NCOR2: variants seen among roughly 807,000 people sequenced by gnomAD.
The protein encoded by NCOR2 is CTG repeat protein 26.
NCOR2 carries 81 observed loss-of-function variants against 262.9 expected under a neutral mutation model. That is an observed-to-expected ratio of 0.31 (90% CI 0.26 to 0.37). NCOR2 has a LOEUF of 0.37. Among genes scored for constraint, NCOR2 ranks in the 10% least tolerant of loss-of-function variants. NCOR2 has a pLI of 1.00. For synonymous variants in NCOR2, 1,659 were observed against 1,559.3 expected, an observed-to-expected ratio of 1.06 and a Z score of -1.51; for missense variants, 3,385 against 3,621.4, an observed-to-expected ratio of 0.93 and a Z score of 1.68.
Position 124,362,200 on chromosome 12 carries a change from C to T in NCOR2, c.3026G>A (p.Ser1009Asn), listed in dbSNP as rs367670978. ...GCTGCCAGGCTGCTGAGGGGCGTCG[C>T]TCTCCGGCTGCAGGTTTTGCGGTGG... Residue 1009 changes from serine (S) to asparagine (N), a missense_variant, in exon 22 of 47, where the codon AGC (serine) becomes AAC (asparagine). Ser to Asn is a conservative substitution (Grantham distance 46). Coordinates refer to ENST00000405201, the Ensembl canonical transcript of NCOR2. 1.3e-5 allele frequency: 17 copies of T among 1,311,548 alleles called. No individual in the cohort carries two copies. The highest frequency in any genetic ancestry group is 2.9e-6 in the Non-Finnish European group (3 of 1,030,058). 81.2% of individuals were successfully genotyped at this position (1,311,548 alleles called of 1,614,324 possible). A position where few individuals can be genotyped will look rare whatever the true frequency, so the allele number is the denominator to read the frequency against.
At chr12:124,346,714 G>A (rs1395420695) in exon 31 of NCOR2, 35 of 1,565,992 alleles carry the variant, frequency 2.2e-5, no homozygotes, top group Non-Finnish European at 2.9e-5. Flanking sequence ...GCTTCAGGGG[G>A]CCCAGGGCCT....
Position 124,566,462 on chromosome 12 carries a change from T to G in NCOR2, c.-165+846A>C, listed in dbSNP as rs995269870. Among the ~76,000 whole-genome samples, 1 of 152,170 alleles carries G rather than the reference T, an allele frequency of 6.6e-6. No homozygotes were observed. The highest frequency in any genetic ancestry group is 2.4e-5 in the African/African-American group (1 of 41,440). On this transcript the variant is annotated intron_variant, in intron 1 of 32. Coordinates refer to the NCOR2 transcript ENST00000458234. The surrounding 1 kb of genome is among the most constrained non-coding windows in gnomAD (Gnocchi z 4.3). ...CCGCCGTGCCCTCCCGCCCTCGGCTTGCTCCTCCTGCAAGTGTCTGGGGCG... is the reference window on the plus strand; with the variant it reads ...CCGCCGTGCCCTCCCGCCCTCGGCTGGCTCCTCCTGCAAGTGTCTGGGGCG...
intron 44 of NCOR2, 88 bp downstream of exon 46, chr12:124,330,757 T>G: frequency 7.1e-7 from 1 of 1,418,424 alleles, no homozygotes; most frequent in Non-Finnish European, 9.7e-7. Context: ...TAGCGAAGGC[T>G]CCTCGTCCCT....
At chr12:124,485,528 A>G (rs1193473128) in intron 2 of NCOR2, among the ~76,000 whole-genome samples, 2 of 152,206 alleles carry the variant, frequency 1.3e-5, no homozygotes, top group Non-Finnish European at 2.9e-5. Flanking sequence ...ACGGGAATGC[A>G]CTTCTGTGGC....
chr12:124,470,147 CAG>C (rs1454513027), intron 4 of NCOR2, among the ~76,000 whole-genome samples: 1 of 136,512 alleles, frequency 7.3e-6, no homozygotes, highest in Non-Finnish European at 1.5e-5. Flanking sequence ...GCCTGGGCAA[CAG>C]AGTGAGAATC....
At chr12:124,555,984 C>T (rs947488315) in intron 1 of NCOR2, 3 of 152,306 alleles carry the variant, frequency 2.0e-5, no homozygotes, top group African/African-American at 4.8e-5. Flanking sequence ...CCTCCCATAA[C>T]GCTCAAGACA....
At chr12:124,437,429 C>T (rs2044409885) in intron 8 of NCOR2, among the ~76,000 whole-genome samples, 1 of 152,208 alleles carries the variant, frequency 6.6e-6, no homozygotes. Context: ...TTGGATGAGG[C>T]CACTGGCCAC....
At chr12:124,407,833 C>T (rs751960420) in intron 13 of NCOR2, among the ~76,000 whole-genome samples, 4 of 152,256 alleles carry the variant, frequency 2.6e-5, no homozygotes, top group Non-Finnish European at 5.9e-5. Flanking sequence ...ATCCTCATGA[C>T]ACCTTCCACC....
chr12:124,555,367 T>C (rs1462994897), intron 1 of NCOR2, among the ~76,000 whole-genome samples: 1 of 152,092 alleles, frequency 6.6e-6, no homozygotes, highest in Non-Finnish European at 1.5e-5. Flanking sequence ...CTCCAGTGTG[T>C]GCACAGCTCA....
intron 37 of NCOR2, among the ~76,000 whole-genome samples, chr12:124,337,508 T>A (rs1777372374): frequency 1.3e-5 from 2 of 152,184 alleles, no homozygotes. Context: ...TACGATCACA[T>A]TAACAGATAT....
intron 9 of NCOR2, 101 bp from the exon 12 acceptor site, chr12:124,429,807 G>C: frequency 1.7e-6 from 2 of 1,165,898 alleles, no homozygotes; most frequent in East Asian, 5.2e-5. Flanking sequence ...CCCCAGAGGA[G>C]AAGTGTGGGC....
chr12:124,449,820 G>T, exon 7 of NCOR2: 1 of 1,614,090 alleles, frequency 6.2e-7, no homozygotes, highest in Non-Finnish European at 8.5e-7. Flanking sequence ...CTCACATTTT[G>T]ATGTTCTCAT....
chr12:124,558,573 GT>G (rs1436085365), intron 1 of NCOR2, among the ~76,000 whole-genome samples: 1 of 152,194 alleles, frequency 6.6e-6, no homozygotes, highest in Non-Finnish European at 1.5e-5. Context: ...CTGGGACCAC[GT>G]CTCTCACTCC....
upstream of NCOR2, among the ~76,000 whole-genome samples, chr12:124,537,582 C>A (rs922565320): frequency 1.3e-5 from 2 of 152,380 alleles, no homozygotes; most frequent in South Asian, 2.1e-4. Flanking sequence ...AAAATGCTGA[C>A]CCCACAGGAA....
At chr12:124,343,078 C>G in exon 33 of NCOR2, 2 of 1,612,402 alleles carry the variant, frequency 1.2e-6, no homozygotes, top group Non-Finnish European at 1.7e-6. Flanking sequence ...GATACAGGTC[C>G]ACGCCACTCA....
Position 124,423,024 on chromosome 12 carries a change from G to A in NCOR2, c.1329-469C>T, listed in dbSNP as rs776403751. ...CTGCTGGGCCTCCCCAGAAGAGCTG[G>A]GAGCAGAGGCTCTGAGTGCCCGTGG... On this transcript the variant is annotated intron_variant, in intron 11 of 46. Transcript: ENST00000405201. Among the ~76,000 whole-genome samples, 4 of 152,216 alleles carry A rather than the reference G, an allele frequency of 2.6e-5. No individual in the cohort carries two copies. The East Asian group carries it at 5.8e-4, about 22-fold the overall frequency.
chr12:124,496,670 TG>T (rs969706278), upstream of NCOR2, among the ~76,000 whole-genome samples: 5 of 152,124 alleles, frequency 3.3e-5, no homozygotes, highest in Non-Finnish European at 5.9e-5. The surrounding 1 kb of genome is among the most constrained non-coding windows in gnomAD (Gnocchi z 4.4). Context: ...AGGTTAAGGT[TG>T]GGGGCCCTGA....
At chr12:124,500,144 T>C (rs1593845358), upstream of NCOR2, among the ~76,000 whole-genome samples, 1 of 138,292 alleles carries the variant, frequency 7.2e-6, no homozygotes, top group African/African-American at 2.7e-5. Context: ...GTCAAGGGAC[T>C]TGTAGATCTC....
chr12:124,359,447 T>A (rs2038328038), intron 22 of NCOR2, among the ~76,000 whole-genome samples: 1 of 152,246 alleles, frequency 6.6e-6, no homozygotes, highest in Non-Finnish European at 1.5e-5. Context: ...AATTCTCTCC[T>A]TGAAGACTGT....
Sources: gnomAD v4.1 joint callset for allele counts (sites outside exome capture counted in the v4.1 genomes callset) on GRCh38, gnomAD v4.1.1 for gene constraint, Gnocchi (gnomAD v3.1) non-coding constraint, MANE v1.5 for transcripts, NCBI Gene and HGNC (gene_info 2026-07-23, HGNC 2026-07-21) for gene names.